ATP8A2: variants seen among roughly 807,000 people sequenced by gnomAD.
ATP8A2 encodes ATPase phospholipid transporting 8A2.
ATP8A2 carries 100 observed loss-of-function variants against 165.6 expected under a neutral mutation model. The ratio of observed to expected loss-of-function variants is 0.60; its 90% CI spans 0.51 to 0.71. The LOEUF (loss-of-function observed/expected upper bound fraction) is 0.71, where lower values mean the gene tolerates loss of function less well. ATP8A2 is among the 30% of genes least tolerant of loss of function. ATP8A2 has a pLI of 0.00. For synonymous variants in ATP8A2, 543 were observed against 548.8 expected (o/e 0.99, Z 0.15); for missense variants, 1,227 against 1,479.5 (o/e 0.83, Z 2.80).
chr13:25,704,575 A>T (rs2043018137), intron 25 of ATP8A2, among the ~76,000 whole-genome samples: 1 of 152,064 alleles, frequency 6.6e-6, no homozygotes, highest in African/African-American at 2.4e-5. Context: ...GCCTCAAGTT[A>T]TCCTCCTGCT....
chr13:25,511,999 G>T (rs886417903), intron 2 of ATP8A2, among the ~76,000 whole-genome samples: 2 of 151,866 alleles, frequency 1.3e-5, no homozygotes, highest in African/African-American at 4.8e-5. Context: ...AGTGAACAAA[G>T]GTCTCTAGTT....
intron 24 of ATP8A2, among the ~76,000 whole-genome samples, chr13:25,605,233 G>T (rs767682215): frequency 6.6e-6 from 1 of 152,266 alleles, no homozygotes; most frequent in Middle Eastern, 3.4e-3. Flanking sequence ...GGTAACTTAT[G>T]TAGACCTGGA....
intron 33 of ATP8A2, chr13:25,880,782 T>G (rs1397007572): frequency 5.0e-6 from 2 of 397,184 alleles, no homozygotes; most frequent in African/African-American, 4.2e-5. Flanking sequence ...AGTTAATCTT[T>G]TCAACAGAAG....
chr13:25,505,510 C>T (rs2137729082), intron 2 of ATP8A2, among the ~76,000 whole-genome samples: 1 of 152,304 alleles, frequency 6.6e-6, no homozygotes, highest in African/African-American at 2.4e-5. Context: ...AAAACACAAC[C>T]TGATATAAGT....
At chr13:25,500,670 C>T (rs1477816453) in intron 2 of ATP8A2, among the ~76,000 whole-genome samples, 1 of 152,150 alleles carries the variant, frequency 6.6e-6, no homozygotes, top group East Asian at 1.9e-4. Context: ...ACCCCAACCT[C>T]CACGGCTCAG....
Position 25,794,835 on chromosome 13 carries a change from A to ACC in ATP8A2, c.2679+19877_2679+19878insCC, listed in dbSNP as rs1334074626. Reference sequence around the variant, plus strand: ...TTCCCTCTCCTACACACACACACACACACACACACACACACACACACACAC... The same window carrying ACC: ...TTCCCTCTCCTACACACACACACACACCCACACACACACACACACACACACAC... On this transcript the variant is annotated intron_variant, in intron 27 of 36. Transcript: ENST00000381655. 4.1e-4 allele frequency among the ~76,000 whole-genome samples: 61 copies of ACC among 149,872 alleles called. 1 individual carries two copies. The highest frequency in any genetic ancestry group is 1.4e-3 in the African/African-American group (57 of 39,908).
chr13:25,422,537 A>G (rs551601915), intron 1 of ATP8A2, among the ~76,000 whole-genome samples: 40 of 152,356 alleles, frequency 2.6e-4, no homozygotes, highest in South Asian at 6.2e-4. Flanking sequence ...ACCAAAAGAT[A>G]CTTGCATATA....
intron 33 of ATP8A2, among the ~76,000 whole-genome samples, chr13:25,918,911 G>A (rs1426415240): frequency 3.9e-5 from 6 of 152,172 alleles, no homozygotes; most frequent in Non-Finnish European, 8.8e-5. Flanking sequence ...TGCACCCTGG[G>A]GGTTGGTGTT....
chr13:25,836,059 T>C (rs560396235), intron 28 of ATP8A2, among the ~76,000 whole-genome samples: 51 of 152,170 alleles, frequency 3.4e-4, no homozygotes, highest in Non-Finnish European at 6.8e-4. Flanking sequence ...TGTTTCAAAG[T>C]GGCTTTCTTT....
intron 24 of ATP8A2, among the ~76,000 whole-genome samples, chr13:25,663,695 G>C (rs997150777): frequency 6.6e-6 from 1 of 152,150 alleles, no homozygotes; most frequent in African/African-American, 2.4e-5. Context: ...CCTGATTACT[G>C]TCTGGCTATA....
At chr13:25,965,831 G>A (rs1366644136) in intron 34 of ATP8A2, among the ~76,000 whole-genome samples, 1 of 152,120 alleles carries the variant, frequency 6.6e-6, no homozygotes, top group African/African-American at 2.4e-5. Context: ...TATAATCCCA[G>A]ATAGGCAGTT....
Position 25,635,565 on chromosome 13 carries a change from A to G in ATP8A2, c.2211+45866A>G, listed in dbSNP as rs9551215. On this transcript the variant is annotated intron_variant, in intron 24 of 36. Transcript: ENST00000381655. ...TTTATTGCAGGATTTTCCAAACTCA[A>G]TTGAGCATGGAGTCCTTGTAATACT... Among the ~76,000 whole-genome samples the G allele has an allele frequency of 3.3e-5, 5 of 152,176 alleles. No homozygotes were observed. The East Asian group carries it at 5.8e-4, about 18-fold the overall frequency.
At chr13:25,599,908 C>A (rs765584257) in intron 24 of ATP8A2, among the ~76,000 whole-genome samples, 16 of 152,254 alleles carry the variant, frequency 1.1e-4, no homozygotes, top group Non-Finnish European at 1.9e-4. Context: ...AGTTTTTCAC[C>A]TTTGGAATAT....
chr13:25,582,557 G>A (rs2039805095), intron 23 of ATP8A2, among the ~76,000 whole-genome samples: 1 of 152,156 alleles, frequency 6.6e-6, no homozygotes, highest in African/African-American at 2.4e-5. Context: ...ACACTATCTG[G>A]TACTTTGATC....
At chr13:25,787,237 G>A (rs983738982) in intron 27 of ATP8A2, among the ~76,000 whole-genome samples, 4 of 152,232 alleles carry the variant, frequency 2.6e-5, no homozygotes, top group Non-Finnish European at 4.4e-5. Context: ...AGGGGACTCA[G>A]TTCCTGGCAA....
intron 33 of ATP8A2, among the ~76,000 whole-genome samples, chr13:25,864,461 C>G (rs149783398): frequency 6.6e-6 from 1 of 151,906 alleles, no homozygotes; most frequent in East Asian, 1.9e-4. Flanking sequence ...ACTAAGGTGC[C>G]GACATTTTCA....
At chr13:26,004,163 C>A (rs1296625949) in intron 35 of ATP8A2, among the ~76,000 whole-genome samples, 1 of 151,952 alleles carries the variant, frequency 6.6e-6, no homozygotes, top group Non-Finnish European at 1.5e-5. Flanking sequence ...CATAGCATCC[C>A]ATTTACTTGT....
chr13:25,638,608 G>A (rs905057457), intron 24 of ATP8A2, among the ~76,000 whole-genome samples: 3 of 152,170 alleles, frequency 2.0e-5, no homozygotes, highest in Non-Finnish European at 1.5e-5. Flanking sequence ...GGGACTATGT[G>A]AAAAGACCAA....
At chr13:25,481,699 CA>C (rs1258775990) in intron 2 of ATP8A2, among the ~76,000 whole-genome samples, 1 of 152,168 alleles carries the variant, frequency 6.6e-6, no homozygotes, top group African/African-American at 2.4e-5. Context: ...GCTGGAAGTC[CA>C]AGATCAGGGT....
Sources: allele counts gnomAD v4.1 joint callset (sites outside exome capture counted in the v4.1 genomes callset), GRCh38; gene constraint gnomAD v4.1.1; transcripts MANE v1.5; gene names NCBI Gene and HGNC (gene_info 2026-07-23, HGNC 2026-07-21).